The following NEGR1 variants were observed in gnomAD, a reference collection of about 807,000 sequenced individuals.
The protein encoded by NEGR1 is IgLON family member 4.
NEGR1 carries 10 observed loss-of-function variants against 40.9 expected under a neutral mutation model. That is an observed-to-expected ratio of 0.24 (90% CI 0.15 to 0.42). The LOEUF is 0.42. Among genes scored for constraint, NEGR1 ranks in the 10% least tolerant of loss-of-function variants. The pLI, the probability that NEGR1 is intolerant of heterozygous loss-of-function variation, is 1.00. For synonymous variants in NEGR1, 185 were observed against 166.8 expected, an observed-to-expected ratio of 1.11 and a Z score of -0.84; for missense variants, 352 against 438.9, an observed-to-expected ratio of 0.80 and a Z score of 1.77.
At chr1:71,708,621 G>T (rs1176902516) in intron 3 of NEGR1, among the ~76,000 whole-genome samples, 1 of 151,760 alleles carries the variant, frequency 6.6e-6, no homozygotes, top group Admixed American at 6.6e-5. Context: ...TTAAGTTCAG[G>T]GGTAAATATA....
intron 2 of NEGR1, among the ~76,000 whole-genome samples, chr1:71,805,859 C>G (rs1657751203): frequency 1.3e-5 from 2 of 152,208 alleles, no homozygotes; most frequent in Admixed American, 6.5e-5. Context: ...AAAATAATGA[C>G]TATGGCAAAT....
intron 1 of NEGR1, among the ~76,000 whole-genome samples, chr1:72,105,827 G>A (rs1222647819): frequency 2.6e-5 from 4 of 151,920 alleles, no homozygotes; most frequent in Admixed American, 2.0e-4. Flanking sequence ...TTATATGAAA[G>A]GTCTTTAACT....
intron 1 of NEGR1, among the ~76,000 whole-genome samples, chr1:71,964,591 C>T (rs1241511176): frequency 6.6e-6 from 1 of 151,990 alleles, no homozygotes; most frequent in African/African-American, 2.4e-5. Flanking sequence ...CAGCTTAGGC[C>T]CCAGACATTT....
intron 4 of NEGR1, among the ~76,000 whole-genome samples, chr1:71,641,614 G>A (rs1000666630): frequency 4.6e-5 from 7 of 151,972 alleles, no homozygotes; most frequent in Non-Finnish European, 1.5e-5. Flanking sequence ...ATGAATATGG[G>A]TTGGGGGAGG....
intron 1 of NEGR1, among the ~76,000 whole-genome samples, chr1:72,121,141 TTG>T (rs1649789988): frequency 6.6e-6 from 1 of 152,084 alleles, no homozygotes; most frequent in South Asian, 2.1e-4. Context: ...TACTATTTTA[TTG>T]TGTTACATCT....
At chr1:71,686,383 G>C (rs1183455331) in intron 4 of NEGR1, among the ~76,000 whole-genome samples, 1 of 152,098 alleles carries the variant, frequency 6.6e-6, no homozygotes, top group African/African-American at 2.4e-5. Flanking sequence ...GGTAGGGGTA[G>C]GGATATTCTG....
intron 1 of NEGR1, among the ~76,000 whole-genome samples, chr1:72,073,006 A>G (rs547585862): frequency 4.6e-5 from 7 of 152,042 alleles, no homozygotes; most frequent in African/African-American, 7.2e-5. Flanking sequence ...TTCAAGATAG[A>G]GATTTGTATA....
chr1:71,929,140 G>C (rs1645830430), intron 2 of NEGR1, among the ~76,000 whole-genome samples: 1 of 151,910 alleles, frequency 6.6e-6, no homozygotes, highest in South Asian at 2.1e-4. Context: ...TTGTTATCTA[G>C]TTATTGATAT....
chr1:71,480,317 G>A (rs562418389), intron 6 of NEGR1, among the ~76,000 whole-genome samples: 17 of 151,910 alleles, frequency 1.1e-4, no homozygotes, highest in African/African-American at 4.1e-4. Flanking sequence ...GCTTGCTTAA[G>A]GTTTTAGGGT....
At chr1:72,019,597 T>G (rs887963100) in intron 1 of NEGR1, among the ~76,000 whole-genome samples, 2 of 152,232 alleles carry the variant, frequency 1.3e-5, no homozygotes, top group African/African-American at 4.8e-5. Flanking sequence ...GTAGAAACTT[T>G]GAGATAGTAA....
At chr1:71,647,083 T>C (rs934835169) in intron 4 of NEGR1, among the ~76,000 whole-genome samples, 1 of 151,828 alleles carries the variant, frequency 6.6e-6, no homozygotes, top group African/African-American at 2.4e-5. Flanking sequence ...AGCTACTTTA[T>C]TGGTAAAAGC....
intron 2 of NEGR1, among the ~76,000 whole-genome samples, chr1:71,929,375 T>C (rs1276992107): frequency 6.6e-6 from 1 of 152,168 alleles, no homozygotes; most frequent in Non-Finnish European, 1.5e-5. Flanking sequence ...TTATTATTGT[T>C]TCCATGCTAA....
chr1:71,565,217 G>T (rs1263876560), intron 6 of NEGR1, among the ~76,000 whole-genome samples: 1 of 152,130 alleles, frequency 6.6e-6, no homozygotes, highest in Non-Finnish European at 1.5e-5. Context: ...GGTTGGATCA[G>T]ATTCTTACTG....
chr1:71,857,344 G>A (rs746018097), intron 2 of NEGR1, among the ~76,000 whole-genome samples: 19 of 151,190 alleles, frequency 1.3e-4, no homozygotes, highest in Non-Finnish European at 2.4e-4. Context: ...AGGCACTGTG[G>A]CTCATGCCTG....
chr1:71,505,483 G>A (rs1231164624), intron 6 of NEGR1, among the ~76,000 whole-genome samples: 2 of 152,000 alleles, frequency 1.3e-5, no homozygotes, highest in South Asian at 2.1e-4. Context: ...GGGTTTCACC[G>A]TGTTAGCCAG....
chr1:71,894,720 G>T (rs1002228292), intron 2 of NEGR1, among the ~76,000 whole-genome samples: 4 of 152,164 alleles, frequency 2.6e-5, no homozygotes, highest in African/African-American at 9.7e-5. Flanking sequence ...AAAACTTGAA[G>T]TCTCTCAATA....
intron 1 of NEGR1, among the ~76,000 whole-genome samples, chr1:72,052,224 A>G (rs900118525): frequency 6.6e-6 from 1 of 151,442 alleles, no homozygotes; most frequent in Non-Finnish European, 1.5e-5. Flanking sequence ...ATAGTGACAA[A>G]GCCTTGTCAA....
At chr1:72,212,360 G>A (rs2100465259) in intron 1 of NEGR1, among the ~76,000 whole-genome samples, 1 of 151,966 alleles carries the variant, frequency 6.6e-6, no homozygotes, top group South Asian at 2.1e-4. Context: ...GTGGCAGATG[G>A]CTCATTGGTT....
In NEGR1 at chr1:71,506,590, G is replaced by GA. The variant is rs147543679; in HGVS notation, c.940+86226dup. Among the ~76,000 whole-genome samples, 789 of 151,812 alleles carry GA rather than the reference G, an allele frequency of 5.2e-3. 10 individuals are homozygous for GA. The highest frequency in any genetic ancestry group is 0.018 in the African/African-American group (762 of 41,432). Reference sequence around the variant, plus strand: ...TCTAAAATACAAAGCCATAATAATAGAAAAAAAATCATTTGGTCATAACAA... The same window carrying GA: ...TCTAAAATACAAAGCCATAATAATAGAAAAAAAAATCATTTGGTCATAACAA... On this transcript the variant is annotated intron_variant, in intron 6 of 6. Transcript: ENST00000357731.
Sources: allele counts gnomAD v4.1 joint callset (sites outside exome capture counted in the v4.1 genomes callset), GRCh38; gene constraint gnomAD v4.1.1; transcripts MANE v1.5; gene names NCBI Gene and HGNC (gene_info 2026-07-23, HGNC 2026-07-21).